LRRC37A2: variants seen among roughly 807,000 people sequenced by gnomAD.
LRRC37A2 encodes leucine-rich repeat-containing protein 37A2.
A neutral mutation model predicts 68.8 loss-of-function variants in LRRC37A2; 9 were observed. That is an observed-to-expected ratio of 0.13 (90% CI 0.08 to 0.23). The LOEUF (loss-of-function observed/expected upper bound fraction) is 0.23. LRRC37A2 is among the 10% of genes least tolerant of loss of function. The pLI is 1.00. For synonymous variants in LRRC37A2, 63 were observed against 367.6 expected, an observed-to-expected ratio of 0.17 and a Z score of 9.48; for missense variants, 168 against 950.4, an observed-to-expected ratio of 0.18 and a Z score of 10.82.
chr17:46,936,546 T>C, the LRRC37A2 span: 1 of 985,626 alleles, frequency 1.0e-6, no homozygotes, highest in Non-Finnish European at 1.2e-6. Flanking sequence ...GTCGGGATTT[T>C]CCACCTACAC....
the LRRC37A2 span, among the ~76,000 whole-genome samples, chr17:46,410,227 C>CA: frequency 1.1e-5 from 1 of 89,328 alleles, no homozygotes; most frequent in Non-Finnish European, 2.3e-5. Flanking sequence ...AGTTCAAGAC[C>CA]AGTGGGCAAC....
At chr17:46,724,821 CT>C in the LRRC37A2 span, among the ~76,000 whole-genome samples, 1 of 152,048 alleles carries the variant, frequency 6.6e-6, no homozygotes, top group East Asian at 1.9e-4. Context: ...ATCCTTAGGC[CT>C]TTTTTTCTTC....
chr17:46,862,158 C>T, the LRRC37A2 span, among the ~76,000 whole-genome samples: 16 of 123,102 alleles, frequency 1.3e-4, 1 homozygote, highest in African/African-American at 4.1e-4. Flanking sequence ...AGTGAAACTC[C>T]GTCTCAAAAA....
the LRRC37A2 span, among the ~76,000 whole-genome samples, chr17:46,734,927 C>T: frequency 0.025 from 3,806 of 152,048 alleles, 152 homozygotes; most frequent in African/African-American, 0.086. Context: ...GGTGAGCATC[C>T]GTAGACCCAG....
At chr17:46,685,576 CTT>C in the LRRC37A2 span, among the ~76,000 whole-genome samples, 2 of 151,322 alleles carry the variant, frequency 1.3e-5, no homozygotes, top group African/African-American at 2.4e-5. Context: ...TGGAGAAAGA[CTT>C]TGCAGATGTT....
At chr17:47,017,148 G>A in the LRRC37A2 span, 21 of 1,606,368 alleles carry the variant, frequency 1.3e-5, no homozygotes, top group African/African-American at 6.7e-5. Context: ...AAGACAGGGC[G>A]GGACTCACGC....
At chr17:46,850,573 A>T in the LRRC37A2 span, among the ~76,000 whole-genome samples, 1 of 152,170 alleles carries the variant, frequency 6.6e-6, no homozygotes, top group African/African-American at 2.4e-5. Flanking sequence ...CTTGACATTC[A>T]TTGCAAGTTA....
chr17:46,816,416 A>C, the LRRC37A2 span, among the ~76,000 whole-genome samples: 2 of 150,110 alleles, frequency 1.3e-5, no homozygotes, highest in East Asian at 2.0e-4. Flanking sequence ...ACACTTTTGC[A>C]CACAGAGACA....
At chr17:46,473,969 C>T in the LRRC37A2 span, among the ~76,000 whole-genome samples, 1 of 108,350 alleles carries the variant, frequency 9.2e-6, no homozygotes, top group East Asian at 2.4e-4. Flanking sequence ...AATCCTCAGT[C>T]TCATTATGCT....
At chr17:47,012,560 G>A in the LRRC37A2 span, among the ~76,000 whole-genome samples, 1 of 151,932 alleles carries the variant, frequency 6.6e-6, no homozygotes, top group African/African-American at 2.4e-5. Flanking sequence ...TTTTAAACTG[G>A]GCAAAAGTTT....
the LRRC37A2 span, among the ~76,000 whole-genome samples, chr17:46,625,879 TAAAAAAAAAAAAA>T: frequency 1.7e-5 from 1 of 59,010 alleles, no homozygotes; most frequent in East Asian, 9.6e-4. Context: ...CCACATGTAT[TAAAAAAAAAAAAA>T]AAAAAAAAAA....
the LRRC37A2 span, among the ~76,000 whole-genome samples, chr17:46,742,345 T>C: frequency 2.3e-3 from 351 of 152,156 alleles, 10 homozygotes; most frequent in East Asian, 0.062. Flanking sequence ...AATGAAGGAG[T>C]GATCTGCTAC....
At chr17:46,929,689 T>C in the LRRC37A2 span, 1 of 721,344 alleles carries the variant, frequency 1.4e-6, no homozygotes, top group Middle Eastern at 3.3e-4. Context: ...TGATTCAGCG[T>C]GGAATGAGTT....
At chr17:46,825,473 G>C in the LRRC37A2 span, among the ~76,000 whole-genome samples, 1 of 152,256 alleles carries the variant, frequency 6.6e-6, no homozygotes, top group Admixed American at 6.5e-5. Flanking sequence ...AAGGCTCCAC[G>C]AGGAATGGGA....
the LRRC37A2 span, among the ~76,000 whole-genome samples, chr17:46,781,854 A>C: frequency 6.6e-6 from 1 of 152,212 alleles, no homozygotes; most frequent in Non-Finnish European, 1.5e-5. Flanking sequence ...CTATACGGGA[A>C]GATTGAGGCC....
the LRRC37A2 span, among the ~76,000 whole-genome samples, chr17:46,862,809 C>G: frequency 3.9e-5 from 6 of 152,206 alleles, no homozygotes; most frequent in African/African-American, 1.4e-4. Context: ...GTCTCAAACT[C>G]CTGATCTCAA....
the LRRC37A2 span, among the ~76,000 whole-genome samples, chr17:46,760,920 A>G: frequency 2.0e-5 from 3 of 152,230 alleles, no homozygotes; most frequent in Admixed American, 1.3e-4. Flanking sequence ...TATGAAATCA[A>G]TGAATTTCGT....
the LRRC37A2 span, among the ~76,000 whole-genome samples, chr17:46,764,933 C>A: frequency 6.6e-6 from 1 of 152,226 alleles, no homozygotes; most frequent in Non-Finnish European, 1.5e-5. Context: ...ATGGGAGAAA[C>A]GGTGCCTGGC....
At chr17:46,761,270 C>T in the LRRC37A2 span, among the ~76,000 whole-genome samples, 5 of 151,820 alleles carry the variant, frequency 3.3e-5, no homozygotes, top group Admixed American at 3.3e-4. Context: ...CTGAATACAG[C>T]GCAGAGCAGC....
Sources: gnomAD v4.1 joint callset for allele counts (sites outside exome capture counted in the v4.1 genomes callset) on GRCh38, gnomAD v4.1.1 for gene constraint, MANE v1.5 for transcripts, NCBI Gene and HGNC (gene_info 2026-07-23, HGNC 2026-07-21) for gene names.